Variants in TES observed in about 807,000 individuals in gnomAD.
TES encodes the protein testin.
In TES, 41 loss-of-function variants were observed where a neutral mutation model predicts 48.2. The observed-to-expected ratio is 0.85, with a 90% confidence interval of 0.66 to 1.10. The LOEUF (loss-of-function observed/expected upper bound fraction) is 1.10. TES is among the 50% of genes least tolerant of loss of function. TES has a pLI of 0.00. For synonymous variants in TES, 162 were observed against 174.9 expected (o/e 0.93, Z 0.58); for missense variants, 463 against 515.1 (o/e 0.90, Z 0.98).
At chr7:116,210,932 C>T in intron 1 of TES, 198 bp downstream of exon 1, 1 of 380,776 alleles carries the variant, frequency 2.6e-6, no homozygotes, top group Non-Finnish European at 4.6e-6. Flanking sequence ...GCTCCCCACA[C>T]TCGGGAGCGA....
Position 116,249,221 on chromosome 7 carries a change from C to T in TES, c.315C>T (p.Ser105=), listed in dbSNP as rs1563013993. The change falls in exon 3 of 7, where the codon TCC becomes TCT. Residue 105 remains serine (S), a synonymous_variant. Coordinates refer to ENST00000358204, the MANE Select transcript of TES (RefSeq NM_015641.4). Reference sequence around the variant, plus strand: ...CAGTTGCTGCCAAGAAGAATGTCTCCATCAATACAGTTACCTATGAGTGGG... The same window carrying T: ...CAGTTGCTGCCAAGAAGAATGTCTCTATCAATACAGTTACCTATGAGTGGG... ...TNPVAAKKNV[S]INTVTYEWAP... is the part of the protein sequence containing the mutation. The T allele has an allele frequency of 1.2e-6, 2 of 1,614,064 alleles. No individual in the cohort carries two copies. Among genetic ancestry groups the T allele is most frequent in the Non-Finnish European group, 1.7e-6 (2 of 1,179,974 alleles).
At chr7:116,244,937 G>GCC (rs1256123337) in intron 2 of TES, among the ~76,000 whole-genome samples, 3 of 152,104 alleles carry the variant, frequency 2.0e-5, no homozygotes, top group Admixed American at 6.5e-5. Context: ...CTATACCTTG[G>GCC]CCCCTTTTAG....
At chr7:116,231,431 G>A (rs1799698631) in intron 1 of TES, among the ~76,000 whole-genome samples, 2 of 152,170 alleles carry the variant, frequency 1.3e-5, no homozygotes, top group Non-Finnish European at 1.5e-5. Context: ...CAGCCCTGAG[G>A]AGACTCTGAG....
At chr7:116,252,062 A>T (rs1437025017) in intron 5 of TES, 87 bp downstream of exon 5, 1 of 1,347,558 alleles carries the variant, frequency 7.4e-7, no homozygotes, top group Non-Finnish European at 1.1e-6. Flanking sequence ...GACTTGACCA[A>T]ACAGCAGTTG....
intron 1 of TES, among the ~76,000 whole-genome samples, chr7:116,215,533 C>T (rs1799483971): frequency 6.6e-6 from 1 of 152,126 alleles, no homozygotes; most frequent in Non-Finnish European, 1.5e-5. Context: ...TGGGAAACTT[C>T]TACAGTCAAA....
chr7:116,250,714 A>T (rs1799994846), intron 4 of TES, among the ~76,000 whole-genome samples: 1 of 152,198 alleles, frequency 6.6e-6, no homozygotes, highest in Non-Finnish European at 1.5e-5. Context: ...ATTATCAAGG[A>T]TAATTGTGGA....
intron 2 of TES, among the ~76,000 whole-genome samples, chr7:116,235,498 A>G (rs1799758993): frequency 6.6e-6 from 1 of 152,204 alleles, no homozygotes. Flanking sequence ...GTGCATATAT[A>G]CACAAGACAA....
chr7:116,214,602 C>T (rs1311350241), intron 1 of TES, among the ~76,000 whole-genome samples: 1 of 152,170 alleles, frequency 6.6e-6, no homozygotes. Context: ...TGATTCATTA[C>T]ATTGGTAGAA....
intron 4 of TES, 188 bp from the exon 5 acceptor site, chr7:116,251,572 A>G: frequency 1.7e-6 from 1 of 575,094 alleles, no homozygotes. Flanking sequence ...AGTCCCAGCT[A>G]CTCGGGAGGC....
chr7:116,256,121 A>G (rs1449006051), intron 6 of TES, among the ~76,000 whole-genome samples: 4 of 152,218 alleles, frequency 2.6e-5, no homozygotes, highest in Non-Finnish European at 5.9e-5. Flanking sequence ...GACCTAACTT[A>G]TAGATTACAG....
At chr7:116,237,853 T>G (rs1329529079) in intron 2 of TES, 1 of 151,950 alleles carries the variant, frequency 6.6e-6, no homozygotes, top group Non-Finnish European at 1.5e-5. Context: ...GGTGTGTGTG[T>G]GTGTGTCTGG....
intron 1 of TES, among the ~76,000 whole-genome samples, chr7:116,214,567 T>TA (rs762272966): frequency 2.0e-4 from 30 of 152,290 alleles, no homozygotes; most frequent in Non-Finnish European, 3.7e-4. Flanking sequence ...GCCAGGCTTT[T>TA]ATAAAACTAT....
chr7:116,257,922 T>A lies in TES; in HGVS notation c.*440T>A, dbSNP rs949758995. ...CCAAGGCGCTACGTTTATTGCCTCGTCTTATTCACTGACCTTTGTAATGAT... is the reference window on the plus strand; with the variant it reads ...CCAAGGCGCTACGTTTATTGCCTCGACTTATTCACTGACCTTTGTAATGAT... On this transcript the variant is annotated 3_prime_UTR_variant, in exon 7 of 7. Transcript: ENST00000358204. 2 of 155,930 alleles carry A rather than the reference T, an allele frequency of 1.3e-5. No individual in the cohort carries two copies. Among genetic ancestry groups the A allele is most frequent in the African/African-American group, 4.8e-5 (2 of 41,468 alleles). The allele number at this position is 155,930 out of a possible 1,614,324, so 9.7% of individuals were successfully genotyped here. A position where few individuals can be genotyped will look rare whatever the true frequency, so the allele number is the denominator to read the frequency against.
chr7:116,211,987 A>C (rs1252461670), intron 1 of TES, among the ~76,000 whole-genome samples: 1 of 152,204 alleles, frequency 6.6e-6, no homozygotes. Context: ...GCGTGATTGC[A>C]TTCTATTCTC....
At chr7:116,245,170 G>A (rs1277498916) in intron 2 of TES, among the ~76,000 whole-genome samples, 5 of 152,188 alleles carry the variant, frequency 3.3e-5, no homozygotes, top group African/African-American at 4.8e-5. Flanking sequence ...GCAAATTTCT[G>A]CAGCGGGCTT....
At chr7:116,235,088 C>T (rs1799751442) in intron 2 of TES, among the ~76,000 whole-genome samples, 1 of 152,160 alleles carries the variant, frequency 6.6e-6, no homozygotes, top group Admixed American at 6.5e-5. Context: ...AGATTACAGG[C>T]TTGTGCCACG....
intron 2 of TES, among the ~76,000 whole-genome samples, chr7:116,244,978 A>C (rs1298414536): frequency 1.3e-5 from 2 of 152,150 alleles, no homozygotes; most frequent in Non-Finnish European, 2.9e-5. Context: ...GCTGGGATGC[A>C]GGGCAGCATG....
intron 2 of TES, chr7:116,238,063 C>G (rs1236929275): frequency 6.6e-6 from 1 of 152,270 alleles, no homozygotes; most frequent in Non-Finnish European, 1.5e-5. Flanking sequence ...CTTCCACATA[C>G]CCCCAAGTTG....
intron 2 of TES, among the ~76,000 whole-genome samples, chr7:116,245,330 A>G (rs986555973): frequency 2.0e-5 from 3 of 152,032 alleles, no homozygotes; most frequent in African/African-American, 7.2e-5. Flanking sequence ...TCAAGTTCAA[A>G]GTTTTGCCCC....
Sources: gnomAD v4.1 joint callset for allele counts (sites outside exome capture counted in the v4.1 genomes callset) on GRCh38, gnomAD v4.1.1 for gene constraint, MANE v1.5 for transcripts, NCBI Gene and HGNC (gene_info 2026-07-23, HGNC 2026-07-21) for gene names.